Variants in RHOBTB3 observed in about 807,000 individuals in gnomAD.
RHOBTB3 encodes rho-related BTB domain-containing protein 3.
In RHOBTB3, 47 loss-of-function variants were observed where a neutral mutation model predicts 67.2. The ratio of observed to expected loss-of-function variants is 0.70; its 90% confidence interval spans 0.55 to 0.89. The LOEUF (loss-of-function observed/expected upper bound fraction) is 0.89. Ranked by LOEUF, RHOBTB3 falls within the 40% of genes least tolerant of loss-of-function variation. The pLI, the probability that RHOBTB3 is intolerant of heterozygous loss-of-function variation, is 0.00. For synonymous variants in RHOBTB3, 273 were observed against 274.2 expected (o/e 1.00, Z 0.04); for missense variants, 631 against 750.0 (o/e 0.84, Z 1.85).
chr5:95,742,646 C>T (rs1323876915), intron 3 of RHOBTB3, among the ~76,000 whole-genome samples: 1 of 152,160 alleles, frequency 6.6e-6, no homozygotes. Flanking sequence ...CTGGTTCACA[C>T]ATTAGTTCTG....
rs187271693 is a variant in RHOBTB3 at position 95,748,301 on chromosome 5, G to A, written c.416-32G>A. The A allele has an allele frequency of 2.9e-5, 44 of 1,537,410 alleles. No individual in the cohort carries two copies. The African/African-American group carries it at 3.5e-4, about 12-fold the overall frequency. On this transcript the variant is annotated intron_variant, in intron 3 of 11. Coordinates refer to ENST00000379982, the MANE Select transcript of RHOBTB3 (RefSeq NM_014899.4). Reference sequence around the variant, plus strand: ...TACCTTTTTTTTCCTGTTTAATTTCGAAACTCTTTGTTTTAAAATTTGTTT... The same window carrying A: ...TACCTTTTTTTTCCTGTTTAATTTCAAAACTCTTTGTTTTAAAATTTGTTT...
intron 8 of RHOBTB3, chr5:95,769,160 C>T (rs570723319): frequency 1.7e-5 from 6 of 353,470 alleles, no homozygotes; most frequent in Admixed American, 5.9e-5. Context: ...ACAGTGGGGC[C>T]GAAGGGAAGA....
At chr5:95,748,536 T>G in intron 4 of RHOBTB3, 49 bp downstream of exon 4, 1 of 1,429,786 alleles carries the variant, frequency 7.0e-7, no homozygotes, top group East Asian at 2.4e-5. Context: ...AGGTTGCCTC[T>G]TTAGGTATTT....
rs868271093 is a variant in RHOBTB3 at position 95,731,495 on chromosome 5, C to T, written c.-188C>T. 7 of 1,244,078 alleles carry T rather than the reference C, an allele frequency of 5.6e-6. No individual in the cohort carries two copies. Among genetic ancestry groups the T allele is most frequent in the African/African-American group, 4.7e-5 (3 of 63,464 alleles). 77.1% of individuals were successfully genotyped at this position (1,244,078 alleles called of 1,614,324 possible). On this transcript the variant is annotated 5_prime_UTR_variant, in exon 1 of 12. Transcript: ENST00000379982. ...CCCCCGCCCGCTAGCCCGCCCTGGT[C>T]CCCGGCTCGCTCGCTGGCTGGCGCG...
chr5:95,793,414 T>C lies in RHOBTB3; in HGVS notation c.*240T>C, dbSNP rs527324068. On this transcript the variant is annotated 3_prime_UTR_variant, in exon 12 of 12. Transcript: ENST00000379982. ...CTAGAATGCAAAGCTGTTTTGCAGC[T>C]GTTTTCCCTTAAAGATGTCCTGTTG... 1.4e-4 allele frequency: 47 copies of C among 327,602 alleles called. No individual in the cohort carries two copies. Among genetic ancestry groups the C allele is most frequent in the Admixed American group, 9.4e-4 (20 of 21,332 alleles). 20.3% of individuals were successfully genotyped at this position (327,602 alleles called of 1,614,324 possible).
In RHOBTB3 at chr5:95,780,268, C is replaced by G. The variant is rs1208892382; in HGVS notation, c.1299C>G (p.Ala433=). ...VFEIQGTTVP[A]HRAILVARCE... is the part of the protein sequence containing the mutation. ...ACCTTTCAGGTACGACAGTGCCAGCCCACAGGGCCATCCTGGTGGCCCGTT... is the reference window on the plus strand; with the variant it reads ...ACCTTTCAGGTACGACAGTGCCAGCGCACAGGGCCATCCTGGTGGCCCGTT... The change falls in exon 9 of 12, where the codon GCC becomes GCG. Residue 433 remains alanine (A), a synonymous_variant. Transcript: ENST00000379982. The G allele has an allele frequency of 6.2e-7, 1 of 1,613,696 alleles. No homozygotes were observed. The highest frequency in any genetic ancestry group is 1.3e-5 in the African/African-American group (1 of 74,900).
At chr5:95,731,231 C>T (rs966080286), upstream of RHOBTB3, 24 of 1,004,558 alleles carry the variant, frequency 2.4e-5, no homozygotes, top group Non-Finnish European at 2.7e-5. Context: ...ATCCGCCCGA[C>T]CCCCGGGGCT....
chr5:95,743,672 T>C (rs1580400510), intron 3 of RHOBTB3, among the ~76,000 whole-genome samples: 1 of 131,028 alleles, frequency 7.6e-6, no homozygotes, highest in African/African-American at 2.8e-5. Context: ...CCTTCTTTCC[T>C]CCCCTCTTCC....
intron 8 of RHOBTB3, among the ~76,000 whole-genome samples, chr5:95,773,130 AT>A (rs1320140683): frequency 6.6e-6 from 1 of 152,228 alleles, no homozygotes; most frequent in Non-Finnish European, 1.5e-5. Context: ...AATATATGTC[AT>A]ATTAAAAAAG....
At chr5:95,755,971 C>T in intron 6 of RHOBTB3, 1 of 496,780 alleles carries the variant, frequency 2.0e-6, no homozygotes, top group South Asian at 3.6e-5. Flanking sequence ...TCATCTTTTC[C>T]CTATCAATTT....
chr5:95,783,294 T>C (rs1407014504), intron 9 of RHOBTB3, among the ~76,000 whole-genome samples: 1 of 151,634 alleles, frequency 6.6e-6, no homozygotes, highest in Non-Finnish European at 1.5e-5. Flanking sequence ...GCTAATTTTT[T>C]TTTATTTTTA....
chr5:95,752,646 A>G (rs1422468792), intron 5 of RHOBTB3, among the ~76,000 whole-genome samples: 1 of 152,214 alleles, frequency 6.6e-6, no homozygotes, highest in Non-Finnish European at 1.5e-5. Context: ...CTAAGTTACT[A>G]CTAAATGCAA....
intron 9 of RHOBTB3, among the ~76,000 whole-genome samples, chr5:95,783,402 G>A (rs1446022468): frequency 2.0e-5 from 3 of 151,556 alleles, no homozygotes; most frequent in Non-Finnish European, 4.4e-5. Context: ...GATTACAGGT[G>A]TGAGCCACTG....
chr5:95,768,020 C>T lies in RHOBTB3; in HGVS notation c.1162-26C>T, dbSNP rs1745599388. 12 of 1,608,024 alleles carry T rather than the reference C, an allele frequency of 7.5e-6. No individual in the cohort carries two copies. The East Asian group carries it at 2.5e-4, about 33-fold the overall frequency. ...TATCAAAGCATGTTAAACAACCTTT[C>T]CCTGTATTTTTGTTTTCCCTTATAG... On this transcript the variant is annotated intron_variant, in intron 7 of 11. Coordinates refer to ENST00000379982, the MANE Select transcript of RHOBTB3 (RefSeq NM_014899.4).
rs772605630 is a variant in RHOBTB3 at position 95,788,772 on chromosome 5, CTGAT to C, written c.1637_1640del (p.Asp546AlafsTer45). 6.3e-7 allele frequency: 1 copy of C among 1,588,606 alleles called. No individual in the cohort carries two copies. Among genetic ancestry groups the C allele is most frequent in the African/African-American group, 1.4e-5 (1 of 73,240 alleles). On this transcript the variant is annotated frameshift_variant, in exon 11 of 12. Transcript: ENST00000379982. LOFTEE classifies it high-confidence loss of function. ...TCATTTTTCTTGCAGTTTCACCACTCTGATTGCCTTTCAACCTGGCTACTTCATT... is the reference window on the plus strand; with the variant it reads ...TCATTTTTCTTGCAGTTTCACCACTCTGCCTTTCAACCTGGCTACTTCATT...
chr5:95,767,080 G>A (rs1745568255), intron 7 of RHOBTB3, among the ~76,000 whole-genome samples: 1 of 152,100 alleles, frequency 6.6e-6, no homozygotes, highest in African/African-American at 2.4e-5. Context: ...GCGTGGTGGT[G>A]CATGCCTGTA....
At chr5:95,772,137 T>TG (rs914958639) in intron 8 of RHOBTB3, among the ~76,000 whole-genome samples, 14 of 152,048 alleles carry the variant, frequency 9.2e-5, no homozygotes, top group Non-Finnish European at 1.8e-4. Flanking sequence ...GGAGATAAGG[T>TG]GGGGGCAAAC....
chr5:95,726,639 A>G (rs1037113081), upstream of RHOBTB3, among the ~76,000 whole-genome samples: 9 of 152,308 alleles, frequency 5.9e-5, no homozygotes, highest in East Asian at 3.9e-4. Flanking sequence ...TTACCTTGCA[A>G]TGTGGCTCCC....
At chr5:95,779,123 C>G (rs764417986) in intron 8 of RHOBTB3, among the ~76,000 whole-genome samples, 1 of 152,208 alleles carries the variant, frequency 6.6e-6, no homozygotes, top group Non-Finnish European at 1.5e-5. Flanking sequence ...ATTGTAAATG[C>G]TTTAGAGAAG....
Sources: allele counts gnomAD v4.1 joint callset (sites outside exome capture counted in the v4.1 genomes callset), GRCh38; gene constraint gnomAD v4.1.1; transcripts MANE v1.5; gene names NCBI Gene and HGNC (gene_info 2026-07-23, HGNC 2026-07-21).